The following GPC5 variants were observed in gnomAD, a reference collection of about 807,000 sequenced individuals.
GPC5 encodes glypican-5.
In GPC5, 47 loss-of-function variants were observed where a neutral mutation model predicts 53.9. The ratio of observed to expected loss-of-function variants is 0.87; its 90% CI spans 0.69 to 1.11. The LOEUF (loss-of-function observed/expected upper bound fraction) is 1.11. GPC5 is among the 50% of genes most tolerant of loss of function. GPC5 has a pLI of 0.00. For synonymous variants in GPC5, 286 were observed against 263.3 expected, an observed-to-expected ratio of 1.09 and a Z score of -0.84; for missense variants, 748 against 713.1, an observed-to-expected ratio of 1.05 and a Z score of -0.56.
chr13:91,868,639 A>C (rs1012247409), intron 5 of GPC5, among the ~76,000 whole-genome samples: 3 of 152,168 alleles, frequency 2.0e-5, no homozygotes, highest in African/African-American at 7.2e-5. Context: ...TGGGAGATTG[A>C]AGCTGCAATG....
chr13:91,961,822 T>A (rs999328307), intron 6 of GPC5, among the ~76,000 whole-genome samples: 1 of 151,916 alleles, frequency 6.6e-6, no homozygotes, highest in Non-Finnish European at 1.5e-5. Context: ...GTTCAAAGGA[T>A]CCAATATTAA....
At chr13:91,964,498 C>A (rs376843870) in intron 6 of GPC5, among the ~76,000 whole-genome samples, 1 of 152,148 alleles carries the variant, frequency 6.6e-6, no homozygotes, top group Non-Finnish European at 1.5e-5. Context: ...ACACAAAGTG[C>A]TGATTGGTGT....
intron 7 of GPC5, among the ~76,000 whole-genome samples, chr13:92,363,424 T>C (rs530840142): frequency 5.9e-5 from 9 of 151,836 alleles, no homozygotes; most frequent in African/African-American, 1.9e-4. Context: ...GATGAAACTG[T>C]TCCACCTCAG....
At chr13:92,422,540 G>A (rs1414605052) in intron 7 of GPC5, among the ~76,000 whole-genome samples, 24 of 141,218 alleles carry the variant, frequency 1.7e-4, no homozygotes, top group African/African-American at 5.4e-4. Context: ...ACAACTTCTT[G>A]GAAAGAAAAG....
chr13:91,572,827 A>G (rs1283415793), intron 2 of GPC5, among the ~76,000 whole-genome samples: 3 of 152,138 alleles, frequency 2.0e-5, no homozygotes, highest in Non-Finnish European at 4.4e-5. Flanking sequence ...CTTCTAACAC[A>G]AAGTTTAAAT....
At chr13:91,868,533 C>G (rs192421904) in intron 5 of GPC5, among the ~76,000 whole-genome samples, 7 of 151,974 alleles carry the variant, frequency 4.6e-5, no homozygotes, top group Admixed American at 4.6e-4. Flanking sequence ...AGCAAAAAAC[C>G]CTGTCCACAA....
chr13:92,737,764 T>C (rs1228290134), intron 7 of GPC5, among the ~76,000 whole-genome samples: 1 of 62,514 alleles, frequency 1.6e-5, no homozygotes, highest in Non-Finnish European at 3.2e-5. Context: ...TTTTTTCTTT[T>C]TCTTTTTTTT....
At chr13:91,709,874 T>G (rs532847175) in intron 3 of GPC5, among the ~76,000 whole-genome samples, 2 of 152,284 alleles carry the variant, frequency 1.3e-5, no homozygotes, top group South Asian at 4.1e-4. Flanking sequence ...CAAATTGATC[T>G]TTTTGCCTGT....
At chr13:92,647,427 C>G (rs1885809875) in intron 7 of GPC5, among the ~76,000 whole-genome samples, 1 of 152,182 alleles carries the variant, frequency 6.6e-6, no homozygotes, top group Non-Finnish European at 1.5e-5. Flanking sequence ...TGTTTTCATA[C>G]AAAAAGCTGA....
chr13:92,382,211 TG>T (rs1296799601), intron 7 of GPC5, among the ~76,000 whole-genome samples: 1 of 151,708 alleles, frequency 6.6e-6, no homozygotes. Flanking sequence ...TTTGGGGACT[TG>T]GGGGGAAGAG....
At chr13:91,761,916 T>A (rs908596102) in intron 5 of GPC5, among the ~76,000 whole-genome samples, 3 of 152,178 alleles carry the variant, frequency 2.0e-5, no homozygotes, top group Non-Finnish European at 2.9e-5. Context: ...AACCCTCTAA[T>A]CATGCTTCTG....
chr13:92,014,595 T>C (rs1229559993), intron 6 of GPC5, among the ~76,000 whole-genome samples: 1 of 152,154 alleles, frequency 6.6e-6, no homozygotes, highest in East Asian at 1.9e-4. Flanking sequence ...TTTAATATGT[T>C]CCTAATCCAT....
chr13:91,845,459 C>T (rs2038837943), intron 5 of GPC5, among the ~76,000 whole-genome samples: 1 of 152,164 alleles, frequency 6.6e-6, no homozygotes, highest in Admixed American at 6.5e-5. Context: ...TCTACCACCT[C>T]ACATAGTTAC....
intron 7 of GPC5, among the ~76,000 whole-genome samples, chr13:92,605,606 G>A (rs1489595202): frequency 2.3e-5 from 3 of 129,322 alleles, no homozygotes; most frequent in East Asian, 2.0e-4. Flanking sequence ...TTTTTGAGAC[G>A]GAGTCTCGCT....
intron 7 of GPC5, among the ~76,000 whole-genome samples, chr13:92,771,071 A>G (rs1237302709): frequency 6.6e-6 from 1 of 152,128 alleles, no homozygotes; most frequent in Admixed American, 6.5e-5. Context: ...GAAATGCCTC[A>G]CATACTGCCG....
At position 91,529,310 on chromosome 13, in the gene GPC5, C is replaced by T. The variant is rs925976964; in HGVS notation, c.325+80388C>T. On this transcript the variant is annotated intron_variant, in intron 2 of 7. Coordinates refer to ENST00000377067, the MANE Select transcript of GPC5 (RefSeq NM_004466.6). The stretch of plus-strand genomic sequence containing the variant: ...TTTATTTAAATCACTTAAAAAGTAA[C>T]ACAAATATATACCCCATATTTTGAT... Among the ~76,000 whole-genome samples, 6 of 152,064 alleles carry T rather than the reference C, an allele frequency of 3.9e-5. No homozygotes were observed. In the East Asian group the frequency reaches 7.7e-4, roughly 20 times the overall value.
chr13:92,126,305 G>A (rs1313692313), intron 6 of GPC5, among the ~76,000 whole-genome samples: 3 of 152,096 alleles, frequency 2.0e-5, no homozygotes, highest in Non-Finnish European at 4.4e-5. Flanking sequence ...CTAGATTGCA[G>A]GTGTATGAAA....
At chr13:92,684,312 C>A (rs1887193489) in intron 7 of GPC5, among the ~76,000 whole-genome samples, 1 of 151,478 alleles carries the variant, frequency 6.6e-6, no homozygotes. Context: ...GCTCTGTCAC[C>A]CAGGGTGGAG....
chr13:92,410,242 C>G (rs1875985126), intron 7 of GPC5, among the ~76,000 whole-genome samples: 1 of 152,164 alleles, frequency 6.6e-6, no homozygotes, highest in African/African-American at 2.4e-5. Flanking sequence ...GGGCAGTAAT[C>G]TAACAGCGGC....
Sources: allele counts gnomAD v4.1 joint callset (sites outside exome capture counted in the v4.1 genomes callset), GRCh38; gene constraint gnomAD v4.1.1; transcripts MANE v1.5; gene names NCBI Gene and HGNC (gene_info 2026-07-23, HGNC 2026-07-21).